The following AUTS2 variants were observed in gnomAD, a reference collection of about 807,000 sequenced individuals.
The protein encoded by AUTS2 is activator of transcription and developmental regulator AUTS2.
A neutral mutation model predicts 112.4 loss-of-function variants in AUTS2; 17 were observed. That is an observed-to-expected ratio of 0.15 (90% CI 0.10 to 0.23). The LOEUF is 0.23. Ranked by LOEUF, AUTS2 falls within the 10% of genes least tolerant of loss-of-function variation. The pLI is 1.00. For missense variants in AUTS2, 1,510 were observed against 1,701.6 expected (o/e 0.89, Z 1.98); for synonymous variants, 751 against 702.7 (o/e 1.07, Z -1.09).
chr7:69,931,633 CAG>C (rs1469867017), intron 2 of AUTS2, among the ~76,000 whole-genome samples: 3 of 152,154 alleles, frequency 2.0e-5, no homozygotes, highest in South Asian at 4.1e-4. Context: ...GAGGATCAGT[CAG>C]GGGTTTCTTC....
At chr7:70,668,027 T>G (rs1285299672) in intron 5 of AUTS2, among the ~76,000 whole-genome samples, 1 of 152,220 alleles carries the variant, frequency 6.6e-6, no homozygotes, top group East Asian at 1.9e-4. Context: ...CTAGGCTGGA[T>G]GGAGTGCAGT....
chr7:70,675,117 C>A (rs1037409300), intron 5 of AUTS2, among the ~76,000 whole-genome samples: 2 of 152,072 alleles, frequency 1.3e-5, no homozygotes, highest in Admixed American at 6.6e-5. Flanking sequence ...AACTCCCTAC[C>A]TCCAATCGTA....
intron 4 of AUTS2, among the ~76,000 whole-genome samples, chr7:70,192,283 C>T (rs1809941400): frequency 6.6e-6 from 1 of 152,048 alleles, no homozygotes; most frequent in South Asian, 2.1e-4. Flanking sequence ...GTACTTTTGC[C>T]ACCACAGGGG....
intron 1 of AUTS2, among the ~76,000 whole-genome samples, chr7:69,803,820 A>G (rs530760121): frequency 6.6e-6 from 1 of 152,280 alleles, no homozygotes; most frequent in Admixed American, 6.5e-5. Flanking sequence ...GCTTGATTCT[A>G]TGAGTTTCAG....
intron 5 of AUTS2, among the ~76,000 whole-genome samples, chr7:70,583,186 T>C (rs187650663): frequency 6.6e-6 from 1 of 152,334 alleles, no homozygotes; most frequent in East Asian, 1.9e-4. Flanking sequence ...GGGAAGCACT[T>C]AATTATTATC....
At chr7:70,020,534 A>G (rs1800222657) in intron 2 of AUTS2, among the ~76,000 whole-genome samples, 1 of 152,028 alleles carries the variant, frequency 6.6e-6, no homozygotes, top group Non-Finnish European at 1.5e-5. Flanking sequence ...ACTCCTTTGG[A>G]AGGATAGAGT....
intron 2 of AUTS2, among the ~76,000 whole-genome samples, chr7:69,925,231 C>A (rs1229420996): frequency 1.3e-5 from 2 of 151,972 alleles, no homozygotes; most frequent in Non-Finnish European, 2.9e-5. Context: ...GCTTTATTTT[C>A]ATTGATTTTT....
chr7:70,414,243 C>G (rs1437336899), intron 4 of AUTS2, among the ~76,000 whole-genome samples: 2 of 152,116 alleles, frequency 1.3e-5, no homozygotes, highest in Non-Finnish European at 2.9e-5. Context: ...GTTCATTGGC[C>G]CATCATGTAG....
At chr7:70,622,225 C>G (rs1557972) in intron 5 of AUTS2, among the ~76,000 whole-genome samples, 57,061 of 151,658 alleles carry the variant, frequency 0.38, 11,146 homozygotes, top group East Asian at 0.57. Context: ...ATTTCTCTGT[C>G]GTCTCTTACA....
At chr7:70,748,483 C>T (rs1045907957) in intron 6 of AUTS2, among the ~76,000 whole-genome samples, 1 of 152,170 alleles carries the variant, frequency 6.6e-6, no homozygotes, top group Non-Finnish European at 1.5e-5. Context: ...AGATTTATTT[C>T]TTCTGTTCCT....
At chr7:69,880,276 C>T (rs1424401130) in intron 1 of AUTS2, among the ~76,000 whole-genome samples, 2 of 152,172 alleles carry the variant, frequency 1.3e-5, no homozygotes, top group Admixed American at 6.5e-5. Context: ...ATCCAGTCAC[C>T]TCTCACCAGG....
At chr7:70,166,004 C>G (rs1175170182) in intron 4 of AUTS2, among the ~76,000 whole-genome samples, 2 of 152,020 alleles carry the variant, frequency 1.3e-5, no homozygotes, top group Non-Finnish European at 2.9e-5. Context: ...AAGTGTGTGA[C>G]AATTCCTGCT....
intron 1 of AUTS2, among the ~76,000 whole-genome samples, chr7:69,706,069 A>C (rs1030062763): frequency 4.6e-5 from 7 of 152,120 alleles, no homozygotes; most frequent in Non-Finnish European, 1.0e-4. Flanking sequence ...ATTCACCTCT[A>C]CCCAACCCAT....
In AUTS2 at chr7:70,519,432, C is replaced by G. The variant is rs138331462; in HGVS notation, c.690+83651C>G. 5.9e-5 allele frequency among the ~76,000 whole-genome samples: 9 copies of G among 152,272 alleles called. No homozygotes were observed. The East Asian group carries it at 1.5e-3, about 26-fold the overall frequency. On this transcript the variant is annotated intron_variant, in intron 5 of 18. Coordinates refer to ENST00000342771, the MANE Select transcript of AUTS2 (RefSeq NM_015570.4). ...AATTAATAGTGAGCGTTGCCACATC[C>G]CTTCTTCCCAGCCCAACCAAGAACC...
Position 69,687,613 on chromosome 7 carries a change from G to T in AUTS2, c.309+87651G>T, listed in dbSNP as rs369853400. ...TTACGTTAAGAAACACTAGTCTAAT[G>T]GATCAATGTATAGGTAAATGATATT... On this transcript the variant is annotated intron_variant, in intron 1 of 18. Transcript: ENST00000342771. Among the ~76,000 whole-genome samples, 15 of 152,258 alleles carry T rather than the reference G, an allele frequency of 9.9e-5. No homozygotes were observed. In the East Asian group the frequency reaches 2.9e-3, roughly 29 times the overall value.
chr7:70,599,967 T>A lies in AUTS2; in HGVS notation c.691-98602T>A, dbSNP rs553978077. ...TATTCTGGGTCACTGGTTCTCAAAA[T>A]GTGGCTGCATACCAACAGGACCTTC... On this transcript the variant is annotated intron_variant, in intron 5 of 18. Transcript: ENST00000342771. 6.6e-5 allele frequency among the ~76,000 whole-genome samples: 10 copies of A among 152,274 alleles called. No homozygotes were observed. In the East Asian group the frequency reaches 1.8e-3, roughly 27 times the overall value.
intron 1 of AUTS2, among the ~76,000 whole-genome samples, chr7:69,628,746 A>G (rs1049062188): frequency 1.2e-4 from 18 of 152,108 alleles, no homozygotes; most frequent in Admixed American, 5.9e-4. Context: ...AACAGCAGCA[A>G]ATGGAGAAAT....
At chr7:69,881,240 G>GTC (rs1421513694) in intron 1 of AUTS2, among the ~76,000 whole-genome samples, 6 of 152,140 alleles carry the variant, frequency 3.9e-5, no homozygotes, top group African/African-American at 1.4e-4. Context: ...TACTGTATGT[G>GTC]TCAGTACTCA....
rs530545235 is a variant in AUTS2 at position 70,730,039 on chromosome 7, C to T, written c.742+31419C>T. Among the ~76,000 whole-genome samples the T allele has an allele frequency of 8.5e-5, 13 of 152,230 alleles. 1 individual carries two copies. The highest frequency in any genetic ancestry group is 3.9e-4 in the East Asian group (2 of 5,162). On this transcript the variant is annotated intron_variant, in intron 6 of 18. Transcript: ENST00000342771. The stretch of plus-strand genomic sequence containing the variant: ...CTGGGATTACAGGCACACGCCACCA[C>T]GCCCGGCTAATTTTTTGTATATTTA...
Sources: gnomAD v4.1 joint callset for allele counts (sites outside exome capture counted in the v4.1 genomes callset) on GRCh38, gnomAD v4.1.1 for gene constraint, MANE v1.5 for transcripts, NCBI Gene and HGNC (gene_info 2026-07-23, HGNC 2026-07-21) for gene names.